Variants in SPATS2 observed in about 807,000 individuals in gnomAD.
SPATS2 encodes spermatogenesis-associated serine-rich protein 2.
SPATS2 carries 38 observed loss-of-function variants against 63.7 expected under a neutral mutation model. The observed-to-expected ratio is 0.60, with a 90% CI of 0.46 to 0.78. The LOEUF is 0.78. SPATS2 is among the 30% of genes least tolerant of loss of function. The probability of loss-of-function intolerance (pLI) is 0.00; values close to 1 mark genes in which losing one functional copy is unlikely to be tolerated. For missense variants in SPATS2, 588 were observed against 666.2 expected (o/e 0.88, Z 1.29); for synonymous variants, 207 against 232.9 (o/e 0.89, Z 1.01).
At chr12:49,489,685 A>G (rs1443663534) in intron 5 of SPATS2, 112 bp downstream of exon 5, 24 of 793,746 alleles carry the variant, frequency 3.0e-5, no homozygotes, top group Non-Finnish European at 2.2e-5. Context: ...AGCAGACCCC[A>G]TGAAAACATA....
intron 3 of SPATS2, among the ~76,000 whole-genome samples, chr12:49,479,064 A>G (rs1400564611): frequency 6.6e-6 from 1 of 152,162 alleles, no homozygotes; most frequent in African/African-American, 2.4e-5. Flanking sequence ...TCAGCAGAGA[A>G]GGTGGCTCCT....
rs531988775 is a variant in SPATS2 at position 49,368,081 on chromosome 12, T to C, written c.-307+494T>C. On this transcript the variant is annotated intron_variant, in intron 1 of 13. Coordinates refer to ENST00000552918, the MANE Select transcript of SPATS2 (RefSeq NM_023071.4). The stretch of plus-strand genomic sequence containing the variant: ...TTGAAGGGGGAGACGAAATGGAAAA[T>C]CAGGCGAACAGACGCAGAGACATAA... Among the ~76,000 whole-genome samples, 8 of 152,172 alleles carry C rather than the reference T, an allele frequency of 5.3e-5. No homozygotes were observed. In the South Asian group the frequency reaches 1.7e-3, roughly 32 times the overall value.
chr12:49,515,619 A>C (rs1946825128), intron 10 of SPATS2, among the ~76,000 whole-genome samples: 1 of 152,226 alleles, frequency 6.6e-6, no homozygotes, highest in Admixed American at 6.5e-5. Flanking sequence ...TTGAGTTTCT[A>C]AATTTGACAT....
At chr12:49,446,181 G>T (rs147537045) in intron 2 of SPATS2, among the ~76,000 whole-genome samples, 59 of 152,320 alleles carry the variant, frequency 3.9e-4, no homozygotes, top group African/African-American at 1.4e-3. Flanking sequence ...TGGGATTGCA[G>T]GTGTGAGCCA....
intron 7 of SPATS2, among the ~76,000 whole-genome samples, chr12:49,495,398 C>A (rs1270375901): frequency 6.6e-6 from 1 of 151,904 alleles, no homozygotes; most frequent in Non-Finnish European, 1.5e-5. Flanking sequence ...GGGGTTTCAC[C>A]GTGTTAGCCA....
chr12:49,521,091 T>C (rs746228853), intron 11 of SPATS2, among the ~76,000 whole-genome samples: 18 of 152,142 alleles, frequency 1.2e-4, no homozygotes, highest in Non-Finnish European at 2.1e-4. Context: ...TATTCACGGA[T>C]GGTTGTGGTC....
intron 3 of SPATS2, among the ~76,000 whole-genome samples, chr12:49,481,513 G>A (rs555119912): frequency 5.8e-5 from 8 of 137,298 alleles, no homozygotes; most frequent in Non-Finnish European, 1.2e-4. Flanking sequence ...TGTCGCCCAG[G>A]CTGGAGTGCA....
intron 13 of SPATS2, among the ~76,000 whole-genome samples, chr12:49,525,654 G>T (rs1047659470): frequency 2.0e-5 from 3 of 152,168 alleles, no homozygotes; most frequent in African/African-American, 4.8e-5. Flanking sequence ...TCGAGGGCTT[G>T]TAACAACCCA....
At chr12:49,377,186 T>G (rs1398415796) in intron 2 of SPATS2, among the ~76,000 whole-genome samples, 1 of 152,218 alleles carries the variant, frequency 6.6e-6, no homozygotes, top group Non-Finnish European at 1.5e-5. Flanking sequence ...CTGTTATTAC[T>G]CAAAGGTTGT....
upstream of SPATS2, chr12:49,367,183 C>G (rs984633248): frequency 5.7e-6 from 1 of 174,032 alleles, no homozygotes; most frequent in Non-Finnish European, 1.2e-5. Context: ...CGTCTCGCCG[C>G]TCGAGCCGCG....
chr12:49,519,900 C>G (rs1262671573), intron 11 of SPATS2, among the ~76,000 whole-genome samples: 1 of 151,908 alleles, frequency 6.6e-6, no homozygotes, highest in Non-Finnish European at 1.5e-5. Flanking sequence ...CTGCATCCTC[C>G]ACCTCCTAGG....
At chr12:49,430,318 T>A (rs1441832634) in intron 2 of SPATS2, among the ~76,000 whole-genome samples, 1 of 151,680 alleles carries the variant, frequency 6.6e-6, no homozygotes, top group Non-Finnish European at 1.5e-5. Context: ...GCCAGGCTGG[T>A]CTCGAACCCC....
At chr12:49,455,781 C>G (rs926512141) in intron 2 of SPATS2, among the ~76,000 whole-genome samples, 6 of 152,126 alleles carry the variant, frequency 3.9e-5, no homozygotes, top group African/African-American at 1.4e-4. Flanking sequence ...GCCACCATGC[C>G]CAGCTAATTT....
chr12:49,474,064 G>T (rs1032867983), intron 3 of SPATS2, among the ~76,000 whole-genome samples: 1 of 152,162 alleles, frequency 6.6e-6, no homozygotes, highest in Non-Finnish European at 1.5e-5. Flanking sequence ...TATTTGCTTT[G>T]TGATAAATTA....
intron 7 of SPATS2, among the ~76,000 whole-genome samples, chr12:49,496,039 C>T (rs1328534091): frequency 6.6e-6 from 1 of 152,124 alleles, no homozygotes; most frequent in African/African-American, 2.4e-5. Flanking sequence ...TTCCCCTGCC[C>T]TGCTGCTCCT....
intron 7 of SPATS2, among the ~76,000 whole-genome samples, chr12:49,495,694 C>T (rs1397027414): frequency 3.9e-5 from 6 of 152,078 alleles, no homozygotes; most frequent in African/African-American, 1.2e-4. Flanking sequence ...CAGCCTCCGG[C>T]ATAAATGGGT....
At chr12:49,519,002 G>C (rs1946893936) in intron 10 of SPATS2, 71 bp from the exon 11 acceptor site, 2 of 1,272,642 alleles carry the variant, frequency 1.6e-6, no homozygotes, top group Admixed American at 4.2e-5. Flanking sequence ...CTACTGCAAG[G>C]CTTATATTTC....
At chr12:49,427,870 A>G (rs1945108331) in intron 2 of SPATS2, among the ~76,000 whole-genome samples, 1 of 152,038 alleles carries the variant, frequency 6.6e-6, no homozygotes, top group African/African-American at 2.4e-5. Flanking sequence ...TATTCTTTGC[A>G]TTTTTACCCC....
chr12:49,382,439 A>G (rs1026134781), intron 2 of SPATS2, among the ~76,000 whole-genome samples: 27 of 152,340 alleles, frequency 1.8e-4, no homozygotes, highest in African/African-American at 6.3e-4. Flanking sequence ...AAGAATTTTT[A>G]TACCGTATGA....
Sources: gnomAD v4.1 joint callset for allele counts (sites outside exome capture counted in the v4.1 genomes callset) on GRCh38, gnomAD v4.1.1 for gene constraint, MANE v1.5 for transcripts, NCBI Gene and HGNC (gene_info 2026-07-23, HGNC 2026-07-21) for gene names.